Variants in KLHL8 observed in about 807,000 individuals in gnomAD.
KLHL8 encodes the protein kelch-like protein 8.
A neutral mutation model predicts 63.5 loss-of-function variants in KLHL8; 38 were observed. The ratio of observed to expected loss-of-function variants is 0.60; its 90% CI spans 0.46 to 0.78. KLHL8 has a LOEUF of 0.78. Ranked by LOEUF, KLHL8 falls within the 30% of genes least tolerant of loss-of-function variation. The pLI is 0.00. For missense variants in KLHL8, 566 were observed against 752.4 expected (o/e 0.75, Z 2.90); for synonymous variants, 224 against 254.3 (o/e 0.88, Z 1.13).
In KLHL8 at chr4:87,207,375, G is replaced by A. The variant is rs558041580; in HGVS notation, c.-151-11685C>T. The A allele has an allele frequency of 1.0e-4, 67 of 663,970 alleles. No individual in the cohort carries two copies. The African/African-American group carries it at 1.0e-3, about 10-fold the overall frequency. The allele number at this position is 663,970 out of a possible 1,614,324, so 41.1% of individuals were successfully genotyped here. A position where few individuals can be genotyped will look rare whatever the true frequency, so the allele number is the denominator to read the frequency against. On this transcript the variant is annotated intron_variant, in intron 1 of 9. Transcript: ENST00000273963. ...ATGCTGACGCTGAGTACGTTGTGGA[G>A]TCCACTGGTGTTTTCACCCCCATGG... is the stretch of plus-strand genomic sequence containing the variant.
upstream of KLHL8, among the ~76,000 whole-genome samples, chr4:87,222,076 C>G (rs1732880026): frequency 6.6e-6 from 1 of 152,116 alleles, no homozygotes; most frequent in Non-Finnish European, 1.5e-5. Flanking sequence ...TCCCAAAGCA[C>G]CAAATGATGT....
chr4:87,178,607 A>G lies in KLHL8; in HGVS notation c.966T>C (p.Cys322=). The change falls in exon 5 of 10, where the codon TGT becomes TGC. Residue 322 remains cysteine, a synonymous_variant. Coordinates refer to ENST00000273963, the MANE Select transcript of KLHL8 (RefSeq NM_020803.5). Reference sequence around the variant, plus strand: ...CACCAGATCCACCTCGACCACCTACACAAAACAGCACACCTAAAGGTAAAG... The same window carrying G: ...CACCAGATCCACCTCGACCACCTACGCAAAACAGCACACCTAAAGGTAAAG... ...PRKHTAGVLF[C]VGGRGGSGDP... is the part of the protein sequence containing the mutation. 6.3e-7 allele frequency: 1 copy of G among 1,591,782 alleles called. No individual in the cohort carries two copies. Among genetic ancestry groups the G allele is most frequent in the East Asian group, 2.3e-5 (1 of 43,862 alleles).
At chr4:87,237,611 C>G (rs1053362779) in intron 1 of KLHL8, among the ~76,000 whole-genome samples, 2 of 152,080 alleles carry the variant, frequency 1.3e-5, no homozygotes, top group African/African-American at 4.8e-5. Flanking sequence ...GCAGATTGCA[C>G]GAGCCCAGGA....
At chr4:87,233,946 TTACA>T (rs1429119923) in intron 1 of KLHL8, among the ~76,000 whole-genome samples, 1 of 152,246 alleles carries the variant, frequency 6.6e-6, no homozygotes, top group Non-Finnish European at 1.5e-5. Context: ...TGTTTAGACA[TTACA>T]TAAACTACCA....
rs1383981894 is a variant in KLHL8, at chr4:87,183,406, T to C, written c.766-17A>G. 11 of 1,521,078 alleles carry C rather than the reference T, an allele frequency of 7.2e-6. No homozygotes were observed. The highest frequency in any genetic ancestry group is 9.8e-6 in the Non-Finnish European group (11 of 1,123,682). The allele number at this position is 1,521,078 out of a possible 1,614,324, so 94.2% of individuals were successfully genotyped here. A position where few individuals can be genotyped will look rare whatever the true frequency, so the allele number is the denominator to read the frequency against. On this transcript the variant is annotated splice_polypyrimidine_tract_variant and intron_variant, in intron 3 of 9. Transcript: ENST00000273963. ...CAGGCGAACCTAAGATCATGAATAG[T>C]TGCAATACAACAAATTTTATATTTT... is the stretch of plus-strand genomic sequence containing the variant.
At chr4:87,198,773 A>G (rs77677297) in intron 1 of KLHL8, among the ~76,000 whole-genome samples, 1,752 of 152,366 alleles carry the variant, frequency 0.011, 39 homozygotes, top group African/African-American at 0.04. Flanking sequence ...GTGATAACAT[A>G]CACATACACA....
chr4:87,164,200 T>C (rs894892900), intron 8 of KLHL8, 121 bp from the exon 9 acceptor site: 6 of 919,900 alleles, frequency 6.5e-6, no homozygotes, highest in Non-Finnish European at 8.0e-6. Context: ...TTAGAGAAAA[T>C]TTTTTTAAAA....
At chr4:87,235,335 T>C (rs1162339872) in intron 1 of KLHL8, among the ~76,000 whole-genome samples, 2 of 152,208 alleles carry the variant, frequency 1.3e-5, no homozygotes, top group Non-Finnish European at 2.9e-5. Flanking sequence ...TACCACCGTA[T>C]TCTAGTTGCC....
intron 8 of KLHL8, among the ~76,000 whole-genome samples, chr4:87,164,327 GA>G (rs933738950): frequency 1.3e-5 from 2 of 149,896 alleles, no homozygotes; most frequent in Non-Finnish European, 3.0e-5. Context: ...TTGTAAGTAG[GA>G]AAAAAATGGA....
chr4:87,169,227 C>T (rs1258539645), intron 8 of KLHL8, among the ~76,000 whole-genome samples: 3 of 152,138 alleles, frequency 2.0e-5, no homozygotes, highest in African/African-American at 4.8e-5. Flanking sequence ...ATTGCTTGAA[C>T]ATGTGTGGCA....
Position 87,185,292 on chromosome 4 carries a change from G to C in KLHL8, c.724C>G (p.Pro242Ala). The C allele has an allele frequency of 6.2e-7, 1 of 1,614,044 alleles. No homozygotes were observed. Among genetic ancestry groups the C allele is most frequent in the Non-Finnish European group, 8.5e-7 (1 of 1,179,976 alleles). Reference protein sequence around the residue: ...NAAIKWLLANPQHHSKWLDET... With the variant: ...NAAIKWLLANAQHHSKWLDET... ...TCCAACCATTTGGAATGATGCTGAG[G>C]ATTGGCAAGAAGCCACTTGATGGCA... Residue 242 changes from proline to alanine, a missense_variant, in exon 3 of 10, where the codon CCT becomes GCT. Transcript: ENST00000273963.
intron 1 of KLHL8, among the ~76,000 whole-genome samples, chr4:87,205,753 T>C (rs913715506): frequency 6.6e-6 from 1 of 152,140 alleles, no homozygotes; most frequent in Non-Finnish European, 1.5e-5. Context: ...CCTGAGCCAC[T>C]GCACCCAGGA....
At chr4:87,196,947 A>G (rs1215922158) in intron 1 of KLHL8, among the ~76,000 whole-genome samples, 1 of 152,254 alleles carries the variant, frequency 6.6e-6, no homozygotes, top group African/African-American at 2.4e-5. Context: ...TATTGGTATT[A>G]TTAGAGTGGA....
At chr4:87,172,168 AC>A (rs1326347167) in intron 6 of KLHL8, among the ~76,000 whole-genome samples, 1 of 152,182 alleles carries the variant, frequency 6.6e-6, no homozygotes, top group Non-Finnish European at 1.5e-5. Context: ...AATTCAAAAA[AC>A]CAAGTGAATG....
chr4:87,186,503 AG>A, intron 2 of KLHL8, among the ~76,000 whole-genome samples: 1 of 148,354 alleles, frequency 6.7e-6, no homozygotes, highest in Non-Finnish European at 1.5e-5. Flanking sequence ...TTTTTGAAAT[AG>A]GGTCTCACCC....
intron 6 of KLHL8, among the ~76,000 whole-genome samples, chr4:87,175,348 T>C (rs1730782184): frequency 6.6e-6 from 1 of 152,188 alleles, no homozygotes; most frequent in African/African-American, 2.4e-5. Flanking sequence ...TGTAGGCAAC[T>C]GTATTATATT....
chr4:87,182,401 G>A (rs76833115), intron 4 of KLHL8, among the ~76,000 whole-genome samples: 1,740 of 151,912 alleles, frequency 0.011, 38 homozygotes, highest in African/African-American at 0.04. Flanking sequence ...CTCATAATCA[G>A]GTATTGCCTT....
intron 8 of KLHL8, among the ~76,000 whole-genome samples, chr4:87,166,349 AAC>A (rs1312013220): frequency 1.3e-5 from 2 of 152,254 alleles, no homozygotes; most frequent in Non-Finnish European, 2.9e-5. Flanking sequence ...TATGTTAAGT[AAC>A]ACAAACAATT....
chr4:87,198,146 C>A lies in KLHL8; in HGVS notation c.-151-2456G>T, dbSNP rs142129705. Among the ~76,000 whole-genome samples, 1,015 of 152,088 alleles carry A rather than the reference C, an allele frequency of 6.7e-3. 14 individuals carry two copies. The highest frequency in any genetic ancestry group is 0.024 in the African/African-American group (981 of 41,486). ...CCAGCCTGGCCAACATGGCAAAACCCCGTCTCTACTAAAAAATACAAAAAC... is the reference window on the plus strand; with the variant it reads ...CCAGCCTGGCCAACATGGCAAAACCACGTCTCTACTAAAAAATACAAAAAC... On this transcript the variant is annotated intron_variant, in intron 1 of 9. Transcript: ENST00000273963.
Sources: allele counts gnomAD v4.1 joint callset (sites outside exome capture counted in the v4.1 genomes callset), GRCh38; gene constraint gnomAD v4.1.1; transcripts MANE v1.5; gene names NCBI Gene and HGNC (gene_info 2026-07-23, HGNC 2026-07-21).